Variants in BICRA observed in about 807,000 individuals in gnomAD.
The protein encoded by BICRA is BRD4-interacting chromatin-remodeling complex-associated protein.
In BICRA, 31 loss-of-function variants were observed where a neutral mutation model predicts 96.9. The ratio of observed to expected loss-of-function variants is 0.32; its 90% CI spans 0.24 to 0.43. BICRA has a LOEUF of 0.43. BICRA is among the 20% of genes least tolerant of loss of function. The pLI, the probability that BICRA is intolerant of heterozygous loss-of-function variation, is 1.00. For missense variants in BICRA, 2,283 were observed against 2,190.3 expected (o/e 1.04, Z -0.84); for synonymous variants, 1,350 against 1,071.8 (o/e 1.26, Z -5.07).
chr19:47,667,372 G>A (rs532165082), intron 1 of BICRA, among the ~76,000 whole-genome samples: 1 of 152,300 alleles, frequency 6.6e-6, no homozygotes, highest in African/African-American at 2.4e-5. Flanking sequence ...AAAATCCTCA[G>A]AGACAGCTCT....
intron 1 of BICRA, among the ~76,000 whole-genome samples, chr19:47,656,282 G>A (rs186578038): frequency 2.1e-4 from 32 of 152,214 alleles, no homozygotes; most frequent in African/African-American, 7.0e-4. Context: ...AGGCTGTGAC[G>A]TGCCTTTCAG....
In BICRA at chr19:47,699,335, C is replaced by T. The variant is rs764892627; in HGVS notation, c.3525C>T (p.Ile1175=). The part of the protein sequence containing the change: ...RVSPSAEMVM[I]DRMFIQEEKT... ...GCCCCTCAGCGGAGATGGTAATGAT[C>T]GACCGAATGTTCATTCAGGAGGAGA... Residue 1175 remains isoleucine (I), a synonymous_variant, in exon 14 of 15, where the codon ATC becomes ATT. Coordinates refer to ENST00000594866, the MANE Select transcript of BICRA (RefSeq NM_001394372.1). The surrounding 1 kb of genome is among the most constrained non-coding windows in gnomAD (Gnocchi z 5.0). 3 of 1,568,600 alleles carry T rather than the reference C, an allele frequency of 1.9e-6. No individual in the cohort carries two copies. In the East Asian group the frequency reaches 7.1e-5, roughly 37 times the overall value.
At chr19:47,659,345 G>C (rs1972668685) in intron 1 of BICRA, among the ~76,000 whole-genome samples, 1 of 152,182 alleles carries the variant, frequency 6.6e-6, no homozygotes, top group Non-Finnish European at 1.5e-5. Flanking sequence ...TTTCCCAACA[G>C]GGGTGGAGGT....
intron 1 of BICRA, among the ~76,000 whole-genome samples, chr19:47,650,321 C>T (rs569748952): frequency 3.3e-5 from 5 of 152,226 alleles, no homozygotes; most frequent in Non-Finnish European, 5.9e-5. Context: ...TTCATAGAGA[C>T]AGGGTTTCAC....
chr19:47,636,482 G>A (rs1972302120), intron 1 of BICRA, among the ~76,000 whole-genome samples: 1 of 152,130 alleles, frequency 6.6e-6, no homozygotes, highest in African/African-American at 2.4e-5. Flanking sequence ...GTGGTACTGG[G>A]ATTACAGATG....
intron 7 of BICRA, among the ~76,000 whole-genome samples, chr19:47,689,348 C>T (rs1416609912): frequency 6.6e-6 from 1 of 152,086 alleles, no homozygotes; most frequent in Non-Finnish European, 1.5e-5. Context: ...AAGCAGTCCT[C>T]CTGCCTTGGC....
At chr19:47,610,931 C>T (rs73041678) in intron 1 of BICRA, among the ~76,000 whole-genome samples, 18,189 of 152,094 alleles carry the variant, frequency 0.12, 1,132 homozygotes, top group East Asian at 0.21. Context: ...TAGCTCCCCG[C>T]TCAAGATGGA....
chr19:47,619,727 A>G (rs374628118), intron 1 of BICRA, among the ~76,000 whole-genome samples: 29 of 152,244 alleles, frequency 1.9e-4, no homozygotes, highest in African/African-American at 6.0e-4. Flanking sequence ...ATAAGACCCT[A>G]TCTCTCCAAA....
chr19:47,696,873 T>C (rs529707515), intron 11 of BICRA, among the ~76,000 whole-genome samples: 1 of 148,406 alleles, frequency 6.7e-6, no homozygotes, highest in Non-Finnish European at 1.5e-5. Context: ...TGGGTGGACA[T>C]GGCTGTTGGG....
intron 1 of BICRA, among the ~76,000 whole-genome samples, chr19:47,613,276 G>T (rs977204537): frequency 1.3e-5 from 2 of 152,132 alleles, no homozygotes; most frequent in African/African-American, 4.8e-5. Context: ...CAGCAGCCCA[G>T]TTCCCCCGCC....
chr19:47,668,557 G>A (rs1972817634), intron 1 of BICRA, among the ~76,000 whole-genome samples: 1 of 148,530 alleles, frequency 6.7e-6, no homozygotes, highest in African/African-American at 2.5e-5. Flanking sequence ...GTGCGATCTC[G>A]GCTCACTGCA....
At chr19:47,622,547 A>C (rs1457721741) in intron 1 of BICRA, among the ~76,000 whole-genome samples, 2 of 136,900 alleles carry the variant, frequency 1.5e-5, no homozygotes, top group African/African-American at 5.5e-5. Flanking sequence ...ATGCGGTGAA[A>C]CCCTGTCTCT....
chr19:47,644,785 G>A (rs1349459093), intron 1 of BICRA, among the ~76,000 whole-genome samples: 1 of 152,174 alleles, frequency 6.6e-6, no homozygotes, highest in Non-Finnish European at 1.5e-5. Context: ...CCAGGCGTGA[G>A]CCACCGCGCC....
chr19:47,702,085 C>A lies in BICRA; in HGVS notation c.4353C>A (p.Pro1451=). ...TGCTGAAGGGCCCCCCGCCAGAGCC[C>A]GCAGCCAGCGCCGCCCAAGGCACCG... ...QRMLKGPPPE[P]AASAAQGTGD... Residue 1451 remains proline, a synonymous_variant, in exon 15 of 15, where the codon CCC becomes CCA. Transcript: ENST00000594866. 1 of 1,513,270 alleles carries A rather than the reference C, an allele frequency of 6.6e-7. No individual in the cohort carries two copies. Among genetic ancestry groups the A allele is most frequent in the Non-Finnish European group, 8.8e-7 (1 of 1,139,176 alleles). 93.7% of individuals were successfully genotyped at this position (1,513,270 alleles called of 1,614,324 possible).
intron 1 of BICRA, among the ~76,000 whole-genome samples, chr19:47,636,202 T>G (rs1178430725): frequency 6.6e-6 from 1 of 152,180 alleles, no homozygotes; most frequent in Non-Finnish European, 1.5e-5. Flanking sequence ...GGTTAAGGGA[T>G]GCTCAACCTG....
In BICRA at chr19:47,623,848, T is replaced by C. The variant is rs867091939; in HGVS notation, c.-108+14680T>C. Among the ~76,000 whole-genome samples, 127 of 89,034 alleles carry C rather than the reference T, an allele frequency of 1.4e-3. 1 individual carries two copies. The highest frequency in any genetic ancestry group is 6.9e-3 in the East Asian group (25 of 3,610). 58.4% of individuals were successfully genotyped at this position (89,034 alleles called of 152,430 possible). The stretch of plus-strand genomic sequence containing the variant: ...GGAAGTGTTCTTTCTCTCTCTCTCT[T>C]TTTTTTTTTTTTTTGAGACTGAGAC... On this transcript the variant is annotated intron_variant, in intron 1 of 14. Coordinates refer to ENST00000594866, the MANE Select transcript of BICRA (RefSeq NM_001394372.1).
intron 1 of BICRA, among the ~76,000 whole-genome samples, chr19:47,665,763 A>C (rs1599834118): frequency 6.6e-6 from 1 of 152,318 alleles, no homozygotes; most frequent in East Asian, 1.9e-4. Context: ...CAGCGCCCCC[A>C]AAACTGCTGT....
At chr19:47,617,479 T>G (rs1489205934) in intron 1 of BICRA, among the ~76,000 whole-genome samples, 1 of 152,036 alleles carries the variant, frequency 6.6e-6, no homozygotes, top group Non-Finnish European at 1.5e-5. Flanking sequence ...TTCTCGTGCC[T>G]CAGTCTCCCG....
chr19:47,679,125 T>C lies in BICRA; in HGVS notation c.151-196T>C, dbSNP rs141742157. 3.2e-3 allele frequency: 1,350 copies of C among 423,768 alleles called. 9 individuals are homozygous for C. The highest frequency in any genetic ancestry group is 0.025 in the African/African-American group (1,232 of 48,836). 26.3% of individuals were successfully genotyped at this position (423,768 alleles called of 1,614,324 possible). A position where few individuals can be genotyped will look rare whatever the true frequency, so the allele number is the denominator to read the frequency against. On this transcript the variant is annotated intron_variant, in intron 5 of 14. Transcript: ENST00000594866. ...TTGCCCAGGCTGGTCTCAAACTCTT[T>C]GGCTCAAGCCATCCATCCTCCTACC... is the stretch of plus-strand genomic sequence containing the variant.
Sources: gnomAD v4.1 joint callset for allele counts (sites outside exome capture counted in the v4.1 genomes callset) on GRCh38, gnomAD v4.1.1 for gene constraint, Gnocchi (gnomAD v3.1) non-coding constraint, MANE v1.5 for transcripts, NCBI Gene and HGNC (gene_info 2026-07-23, HGNC 2026-07-21) for gene names.